The following ZSCAN18 variants were observed in gnomAD, a reference collection of about 807,000 sequenced individuals.
ZSCAN18 encodes the protein zinc finger and SCAN domain-containing protein 18.
In ZSCAN18, 16 loss-of-function variants were observed where a neutral mutation model predicts 31.1. The ratio of observed to expected loss-of-function variants is 0.51; its 90% CI spans 0.35 to 0.78. The LOEUF (loss-of-function observed/expected upper bound fraction) is 0.78, where lower values mean the gene tolerates loss of function less well. ZSCAN18 is among the 30% of genes least tolerant of loss of function. The pLI, the probability that ZSCAN18 is intolerant of heterozygous loss-of-function variation, is 0.01. For synonymous variants in ZSCAN18, 375 were observed against 320.7 expected (o/e 1.17, Z -1.81); for missense variants, 731 against 697.4 (o/e 1.05, Z -0.54).
intron 1 of ZSCAN18, among the ~76,000 whole-genome samples, chr19:58,111,860 C>T (rs561896115): frequency 8.0e-4 from 122 of 152,232 alleles, no homozygotes; most frequent in Non-Finnish European, 1.4e-3. Flanking sequence ...TTACACACCA[C>T]GAGCAAGTAG....
intron 6 of ZSCAN18, chr19:58,085,605 G>A (rs907815017): frequency 1.9e-6 from 1 of 536,388 alleles, no homozygotes; most frequent in Non-Finnish European, 3.3e-6. Flanking sequence ...AACAACGGAG[G>A]CCACCGACAG....
intron 1 of ZSCAN18, among the ~76,000 whole-genome samples, chr19:58,094,335 C>T (rs554661381): frequency 4.2e-4 from 64 of 151,570 alleles, no homozygotes; most frequent in African/African-American, 1.5e-3. Flanking sequence ...GGTGTGAACC[C>T]GGCAGGCGGA....
chr19:58,085,631 C>A lies in ZSCAN18; in HGVS notation c.839-252G>T, dbSNP rs148441680. 3,805 of 513,474 alleles carry A rather than the reference C, an allele frequency of 7.4e-3. 21 individuals are homozygous for A. Among genetic ancestry groups the A allele is most frequent in the Non-Finnish European group, 9.5e-3 (2,802 of 293,714 alleles). 31.8% of individuals were successfully genotyped at this position (513,474 alleles called of 1,614,324 possible). Reference sequence around the variant, plus strand: ...CCACCGACAGGACAGGAAGGACAGCCCCACTGAGCCCGGGTTCTGGAAACC... The same window carrying A: ...CCACCGACAGGACAGGAAGGACAGCACCACTGAGCCCGGGTTCTGGAAACC... On this transcript the variant is annotated intron_variant, in intron 6 of 6. Coordinates refer to ENST00000601144, the MANE Select transcript of ZSCAN18 (RefSeq NM_001145543.2).
At position 58,098,199 on chromosome 19, in the gene ZSCAN18, T is replaced by C; in HGVS notation, c.-145A>G. 2 of 985,460 alleles carry C rather than the reference T, an allele frequency of 2.0e-6. No homozygotes were observed. Among genetic ancestry groups the C allele is most frequent in the African/African-American group, 1.7e-5 (1 of 57,354 alleles). The allele number at this position is 985,460 out of a possible 1,614,324, so 61.0% of individuals were successfully genotyped here. ...CTGCTGCGCAGCTACCCCAGGCCGG[T>C]CCCAGCCGCCCGGAGCCCCAGTGCG... On this transcript the variant is annotated 5_prime_UTR_variant, in exon 1 of 7. Transcript: ENST00000601144.
intron 5 of ZSCAN18, 56 bp downstream of exon 5, chr19:58,086,850 A>G: frequency 7.3e-7 from 1 of 1,377,818 alleles, no homozygotes; most frequent in South Asian, 1.2e-5. Flanking sequence ...TCCTGCACCA[A>G]CCCCTGCGGA....
intron 1 of ZSCAN18, among the ~76,000 whole-genome samples, chr19:58,116,583 C>T (rs1000357595): frequency 1.3e-5 from 2 of 152,172 alleles, no homozygotes; most frequent in African/African-American, 4.8e-5. Flanking sequence ...CCACTGCCCA[C>T]AACTCAAAAG....
At chr19:58,107,980 T>C in intron 1 of ZSCAN18, 1 of 1,046,672 alleles carries the variant, frequency 9.6e-7, no homozygotes, top group Non-Finnish European at 1.2e-6. Flanking sequence ...GCGATGTTCC[T>C]GAAAAGTTTG....
intron 1 of ZSCAN18, among the ~76,000 whole-genome samples, chr19:58,113,769 A>C (rs59238777): frequency 0.08 from 12,166 of 152,218 alleles, 541 homozygotes; most frequent in East Asian, 0.13. Flanking sequence ...ACTTGAGGTC[A>C]GGAGTTCGAG....
intron 6 of ZSCAN18, chr19:58,085,732 C>T (rs2074265355): frequency 5.4e-6 from 2 of 371,818 alleles, no homozygotes; most frequent in Non-Finnish European, 9.7e-6. Flanking sequence ...GCTCAGAGCG[C>T]ACCCTCCTGG....
intron 3 of ZSCAN18, 54 bp from the exon 4 acceptor site, chr19:58,087,458 C>A: frequency 1.3e-6 from 2 of 1,522,960 alleles, no homozygotes; most frequent in Non-Finnish European, 1.8e-6. Flanking sequence ...GGCCAGGTGC[C>A]CTCAAGGGTC....
chr19:58,111,714 C>T (rs2074684705), intron 1 of ZSCAN18, among the ~76,000 whole-genome samples: 2 of 152,164 alleles, frequency 1.3e-5, no homozygotes, highest in South Asian at 2.1e-4. Flanking sequence ...TCAGACTCTT[C>T]CAAAACAGGA....
chr19:58,084,940 CGA>C lies in ZSCAN18; in HGVS notation c.1276_1277del (p.Ser426AlafsTer63). ...GGCTGCTGTGGTGCTCCATCAGGTG[CGA>C]GAGCCACGCGAAGGCCTCCCCGCAC... ...GECGEAFAWLSHLMEHHSSHG... is the reference protein window; with the variant it reads ...GECGEAFAWLXHLMEHHSSHG... On this transcript the variant is annotated frameshift_variant, in exon 7 of 7. Transcript: ENST00000601144. LOFTEE classifies it low-confidence loss of function (END_TRUNC). The surrounding 1 kb of genome is among the most constrained non-coding windows in gnomAD (Gnocchi z 4.5). 1 of 1,596,950 alleles carries C rather than the reference CGA, an allele frequency of 6.3e-7. No individual in the cohort carries two copies. Among genetic ancestry groups the C allele is most frequent in the Non-Finnish European group, 8.5e-7 (1 of 1,174,160 alleles).
intron 1 of ZSCAN18, among the ~76,000 whole-genome samples, chr19:58,110,621 C>T (rs1160736127): frequency 1.3e-5 from 2 of 152,214 alleles, no homozygotes. Flanking sequence ...ACTCCATTCT[C>T]CACTCTCCCT....
rs1421989971 is a variant in ZSCAN18 at position 58,104,553 on chromosome 19, T to A, written c.130+13714A>T. ...ATCTCTGCTAAAAATACAAAAAAAA[T>A]TAGCCAGGCATGGTGGCAAGTGCCT... is the stretch of plus-strand genomic sequence containing the variant. On this transcript the variant is annotated intron_variant, in intron 1 of 1. Coordinates refer to the ZSCAN18 transcript ENST00000595721. Among the ~76,000 whole-genome samples the A allele has an allele frequency of 4.0e-5, 6 of 151,626 alleles. No homozygotes were observed. The South Asian group carries it at 1.0e-3, about 26-fold the overall frequency.
At chr19:58,091,850 C>A (rs2074417805) in intron 1 of ZSCAN18, among the ~76,000 whole-genome samples, 1 of 152,146 alleles carries the variant, frequency 6.6e-6, no homozygotes, top group Admixed American at 6.5e-5. Context: ...TCCACAGAGA[C>A]AGCTGGAAGG....
At chr19:58,095,574 T>C (rs1008187386) in intron 1 of ZSCAN18, among the ~76,000 whole-genome samples, 1 of 152,110 alleles carries the variant, frequency 6.6e-6, no homozygotes, top group African/African-American at 2.4e-5. Flanking sequence ...GCCCCTCTCC[T>C]CCTGCTCCAA....
chr19:58,114,339 A>C (rs1006286970), intron 1 of ZSCAN18, among the ~76,000 whole-genome samples: 1 of 152,242 alleles, frequency 6.6e-6, no homozygotes, highest in African/African-American at 2.4e-5. Context: ...ATGGGTTATC[A>C]CATGATAACA....
chr19:58,118,259 G>C (rs2074749835), intron 1 of ZSCAN18: 2 of 1,399,728 alleles, frequency 1.4e-6, no homozygotes, highest in African/African-American at 1.5e-5. Flanking sequence ...TGGAGTCCTT[G>C]ACCCCACCCT....
intron 1 of ZSCAN18, among the ~76,000 whole-genome samples, chr19:58,113,963 G>C (rs949172606): frequency 6.7e-5 from 10 of 148,934 alleles, no homozygotes; most frequent in African/African-American, 2.5e-4. Context: ...GGGCAACAGA[G>C]AGACTCCAGC....
Sources: gnomAD v4.1 joint callset for allele counts (sites outside exome capture counted in the v4.1 genomes callset) on GRCh38, gnomAD v4.1.1 for gene constraint, Gnocchi (gnomAD v3.1) non-coding constraint, MANE v1.5 for transcripts, NCBI Gene and HGNC (gene_info 2026-07-23, HGNC 2026-07-21) for gene names.